The following TRHDE variants were observed in gnomAD, a reference collection of about 807,000 sequenced individuals.
TRHDE encodes the protein thyrotropin-releasing hormone-degrading ectoenzyme.
TRHDE carries 72 observed loss-of-function variants against 125.7 expected under a neutral mutation model. That is an observed-to-expected ratio of 0.57 (90% confidence interval 0.47 to 0.70). The LOEUF (loss-of-function observed/expected upper bound fraction) is 0.70, where lower values mean the gene tolerates loss of function less well. TRHDE is among the 30% of genes least tolerant of loss of function. TRHDE has a pLI of 0.00. For synonymous variants in TRHDE, 509 were observed against 509.1 expected (o/e 1.00, Z 0.00); for missense variants, 1,110 against 1,327.1 (o/e 0.84, Z 2.54).
At chr12:72,195,694 G>A (rs891385976) in intron 2 of TRHDE, among the ~76,000 whole-genome samples, 1 of 152,076 alleles carries the variant, frequency 6.6e-6, no homozygotes, top group Non-Finnish European at 1.5e-5. Context: ...TCTGTCAATA[G>A]TTTCTTTTGC....
At chr12:72,577,674 A>G (rs1216794859) in intron 12 of TRHDE, among the ~76,000 whole-genome samples, 2 of 152,226 alleles carry the variant, frequency 1.3e-5, no homozygotes, top group Non-Finnish European at 2.9e-5. Flanking sequence ...TCTGCATTAA[A>G]TGATATAAGT....
At chr12:72,294,372 T>TG (rs2139438472) in intron 2 of TRHDE, among the ~76,000 whole-genome samples, 1 of 151,842 alleles carries the variant, frequency 6.6e-6, no homozygotes, top group East Asian at 2.0e-4. Flanking sequence ...GTGTGTGTGG[T>TG]GGGGGGCGGT....
intron 12 of TRHDE, among the ~76,000 whole-genome samples, chr12:72,575,878 T>C (rs1170585991): frequency 1.3e-5 from 2 of 152,208 alleles, no homozygotes; most frequent in African/African-American, 2.4e-5. Flanking sequence ...CCTTGAAGCA[T>C]TGGCAATTTT....
At chr12:72,554,947 A>T (rs1008105276) in intron 7 of TRHDE, among the ~76,000 whole-genome samples, 2 of 152,170 alleles carry the variant, frequency 1.3e-5, no homozygotes, top group African/African-American at 4.8e-5. Context: ...GGTATGATCT[A>T]TAATTACAAC....
chr12:72,396,320 C>T (rs1872787268), intron 3 of TRHDE, among the ~76,000 whole-genome samples: 1 of 152,122 alleles, frequency 6.6e-6, no homozygotes, highest in Non-Finnish European at 1.5e-5. Context: ...CTCCCATTAT[C>T]CTTTGAGCTC....
intron 12 of TRHDE, among the ~76,000 whole-genome samples, chr12:72,615,546 T>A (rs10431588): frequency 0.069 from 10,465 of 152,244 alleles, 613 homozygotes; most frequent in East Asian, 0.35. Flanking sequence ...AATTTTGTAA[T>A]GAAACTGATC....
Position 72,117,613 on chromosome 12 carries a change from G to T in TRHDE, n.279+11861G>T, listed in dbSNP as rs919531868. On this transcript the variant is annotated intron_variant and non_coding_transcript_variant, in intron 2 of 4. Transcript: ENST00000548156. Reference sequence around the variant, plus strand: ...GGATTGTTTTCGCTATTTCTGTGAAGAATGTCATTGGTATTTTGATAGGGA... The same window carrying T: ...GGATTGTTTTCGCTATTTCTGTGAATAATGTCATTGGTATTTTGATAGGGA... Among the ~76,000 whole-genome samples, 9 of 152,228 alleles carry T rather than the reference G, an allele frequency of 5.9e-5. No individual in the cohort carries two copies. The East Asian group carries it at 1.7e-3, about 29-fold the overall frequency.
chr12:72,451,984 A>G (rs954886238), intron 3 of TRHDE, among the ~76,000 whole-genome samples: 1 of 152,100 alleles, frequency 6.6e-6, no homozygotes, highest in Non-Finnish European at 1.5e-5. Flanking sequence ...CTGTGCCAGC[A>G]TGCCCAGCTA....
chr12:72,519,464 G>A lies in TRHDE; in HGVS notation c.1722+19829G>A, dbSNP rs560402668. Among the ~76,000 whole-genome samples the A allele has an allele frequency of 4.3e-3, 651 of 152,086 alleles. 2 individuals carry two copies. The highest frequency in any genetic ancestry group is 0.015 in the African/African-American group (607 of 41,474). On this transcript the variant is annotated intron_variant, in intron 6 of 18. Transcript: ENST00000261180. ...CTCCTGAGGCTTCTGCATTCTTCAC[G>A]TAGTTCTCGAGCCTTGGTTTTCAGC... is the stretch of plus-strand genomic sequence containing the variant.
Position 72,606,088 on chromosome 12 carries a change from T to C in TRHDE, c.2322-12803T>C, listed in dbSNP as rs369984405. On this transcript the variant is annotated intron_variant, in intron 12 of 18. Coordinates refer to ENST00000261180, the MANE Select transcript of TRHDE (RefSeq NM_013381.3). ...ACAGTGTTGACCAACATGCTGCCAG[T>C]CTGACTTCCCACTTCTGATTTAAAC... 1.1e-4 allele frequency among the ~76,000 whole-genome samples: 16 copies of C among 152,306 alleles called. No homozygotes were observed. In the South Asian group the frequency reaches 1.7e-3, roughly 16 times the overall value.
intron 2 of TRHDE, among the ~76,000 whole-genome samples, chr12:72,371,782 A>T (rs1241879258): frequency 6.6e-6 from 1 of 152,094 alleles, no homozygotes; most frequent in Non-Finnish European, 1.5e-5. Flanking sequence ...TTCTTAATCC[A>T]ATCTATCATT....
chr12:72,118,862 CTTTGA>C (rs1299666556), intron 2 of TRHDE, among the ~76,000 whole-genome samples: 1 of 151,962 alleles, frequency 6.6e-6, no homozygotes, highest in Non-Finnish European at 1.5e-5. Flanking sequence ...TCTAATAATT[CTTTGA>C]TTTGCTGTGG....
At chr12:72,526,676 C>T (rs1344694178) in intron 6 of TRHDE, among the ~76,000 whole-genome samples, 1 of 152,112 alleles carries the variant, frequency 6.6e-6, no homozygotes, top group Non-Finnish European at 1.5e-5. Context: ...ATGTCACTTT[C>T]ATTAAGGATA....
At chr12:72,565,860 A>G (rs7955871) in intron 9 of TRHDE, among the ~76,000 whole-genome samples, 40,440 of 151,888 alleles carry the variant, frequency 0.27, 8,124 homozygotes, top group African/African-American at 0.54. Flanking sequence ...AGAAAAAAAT[A>G]TCTTGATGGG....
At chr12:72,282,797 C>T (rs1421484801) in intron 1 of TRHDE, among the ~76,000 whole-genome samples, 1 of 152,186 alleles carries the variant, frequency 6.6e-6, no homozygotes, top group Non-Finnish European at 1.5e-5. Flanking sequence ...TTCATAAATA[C>T]TTCTTTGAGT....
At chr12:72,150,460 T>C (rs7314315) in intron 2 of TRHDE, among the ~76,000 whole-genome samples, 6,419 of 151,412 alleles carry the variant, frequency 0.042, 457 homozygotes, top group African/African-American at 0.15. Flanking sequence ...AGGTTAGTTA[T>C]ATATGTATAC....
chr12:72,363,262 A>T (rs1169256769), intron 2 of TRHDE, among the ~76,000 whole-genome samples: 1 of 151,774 alleles, frequency 6.6e-6, no homozygotes, highest in Non-Finnish European at 1.5e-5. Flanking sequence ...ATCCTCCCCA[A>T]CTCATTTTAT....
chr12:72,253,353 T>G (rs1381411496), intron 2 of TRHDE, among the ~76,000 whole-genome samples: 2 of 152,142 alleles, frequency 1.3e-5, no homozygotes, highest in Non-Finnish European at 2.9e-5. Context: ...TACATTTTAT[T>G]TCTTTTCTTC....
intron 3 of TRHDE, among the ~76,000 whole-genome samples, chr12:72,452,512 G>A (rs181163613): frequency 2.5e-4 from 38 of 152,210 alleles, no homozygotes; most frequent in African/African-American, 8.4e-4. Context: ...TCCTTGTCTT[G>A]TTCTGGATTT....
Sources: allele counts gnomAD v4.1 joint callset (sites outside exome capture counted in the v4.1 genomes callset), GRCh38; gene constraint gnomAD v4.1.1; transcripts MANE v1.5; gene names NCBI Gene and HGNC (gene_info 2026-07-23, HGNC 2026-07-21).